The following LRRIQ3 variants were observed in gnomAD, a reference collection of about 807,000 sequenced individuals.
LRRIQ3 encodes the protein leucine rich repeats and IQ motif containing 3.
Under a neutral mutation model 59.3 loss-of-function variants are expected in LRRIQ3, and 75 were observed. That is an observed-to-expected ratio of 1.26 (90% confidence interval 1.05 to 1.53). The LOEUF (loss-of-function observed/expected upper bound fraction) is 1.53. Among genes scored for constraint, LRRIQ3 ranks in the 40% most tolerant of loss-of-function variants. The pLI, the probability that LRRIQ3 is intolerant of heterozygous loss-of-function variation, is 0.00. For missense variants in LRRIQ3, 831 were observed against 710.0 expected (o/e 1.17, Z -1.94); for synonymous variants, 250 against 231.3 (o/e 1.08, Z -0.73).
chr1:74,041,178 C>T (rs1557589008), intron 7 of LRRIQ3, 35 bp downstream of exon 7: 5 of 1,450,470 alleles, frequency 3.4e-6, no homozygotes, highest in Non-Finnish European at 3.7e-6. Flanking sequence ...ATGTAATTGA[C>T]TTTAATGCCT....
chr1:74,154,003 G>C (rs973616388), intron 4 of LRRIQ3, among the ~76,000 whole-genome samples: 20 of 151,636 alleles, frequency 1.3e-4, no homozygotes, highest in African/African-American at 4.8e-4. Flanking sequence ...GCACTTTGGG[G>C]GGCCGAGGTG....
chr1:74,129,499 A>G (rs1646981689), intron 4 of LRRIQ3, among the ~76,000 whole-genome samples: 1 of 151,968 alleles, frequency 6.6e-6, no homozygotes, highest in Non-Finnish European at 1.5e-5. Context: ...TCCCCTCTGG[A>G]CCAGAGAGGG....
At chr1:74,099,573 T>C (rs187981829) in intron 5 of LRRIQ3, among the ~76,000 whole-genome samples, 1 of 152,312 alleles carries the variant, frequency 6.6e-6, no homozygotes, top group African/African-American at 2.4e-5. Context: ...AGCATCATCC[T>C]GATACCAAAG....
At chr1:74,104,737 T>C (rs1338807022) in intron 5 of LRRIQ3, among the ~76,000 whole-genome samples, 1 of 152,024 alleles carries the variant, frequency 6.6e-6, no homozygotes, top group Non-Finnish European at 1.5e-5. Context: ...TATACTACAA[T>C]AGTTTATACA....
chr1:74,088,290 T>G (rs1403852048), intron 5 of LRRIQ3, among the ~76,000 whole-genome samples: 1 of 152,158 alleles, frequency 6.6e-6, no homozygotes, highest in South Asian at 2.1e-4. Flanking sequence ...ATTATTTGCA[T>G]GTTAATTTCT....
intron 1 of LRRIQ3, among the ~76,000 whole-genome samples, chr1:74,197,094 T>C (rs911982722): frequency 6.6e-5 from 10 of 152,218 alleles, no homozygotes; most frequent in Non-Finnish European, 1.3e-4. Flanking sequence ...GTTTTTTTAA[T>C]TAATGAAGTT....
chr1:74,066,721 T>C (rs986760169), intron 6 of LRRIQ3, among the ~76,000 whole-genome samples: 2 of 152,154 alleles, frequency 1.3e-5, no homozygotes, highest in Non-Finnish European at 2.9e-5. Flanking sequence ...TCACCATGGT[T>C]AGTATATTAC....
chr1:74,049,353 T>C (rs894216074), intron 6 of LRRIQ3, among the ~76,000 whole-genome samples: 3 of 152,150 alleles, frequency 2.0e-5, no homozygotes, highest in Non-Finnish European at 2.9e-5. Flanking sequence ...ATGAAGACAA[T>C]GGATTTGAAT....
intron 5 of LRRIQ3, among the ~76,000 whole-genome samples, chr1:74,107,572 T>C (rs1426382825): frequency 2.7e-5 from 4 of 149,538 alleles, no homozygotes; most frequent in African/African-American, 9.7e-5. Flanking sequence ...AAAAGAATAA[T>C]ATGTAATTAT....
At chr1:74,080,317 C>A (rs1312103464) in intron 5 of LRRIQ3, among the ~76,000 whole-genome samples, 2 of 151,550 alleles carry the variant, frequency 1.3e-5, no homozygotes, top group Admixed American at 1.3e-4. Flanking sequence ...TTTCTCAGAG[C>A]ATTATTGAAA....
At position 74,038,569 on chromosome 1, in the gene LRRIQ3, G is replaced by C. The variant is rs145715810; in HGVS notation, c.1718+2644C>G. On this transcript the variant is annotated intron_variant, in intron 7 of 7. Transcript: ENST00000354431. Reference sequence around the variant, plus strand: ...TACATGAGCATTCCTACTGAGATCAGGTAGGTGCCTCTCGAGGTCAGAGAT... The same window carrying C: ...TACATGAGCATTCCTACTGAGATCACGTAGGTGCCTCTCGAGGTCAGAGAT... Among the ~76,000 whole-genome samples the C allele has an allele frequency of 2.9e-3, 442 of 152,258 alleles. 1 individual carries two copies. Among genetic ancestry groups the C allele is most frequent in the African/African-American group, 0.01 (422 of 41,564 alleles).
chr1:74,042,125 C>A (rs560754830), intron 6 of LRRIQ3, among the ~76,000 whole-genome samples, 192 bp from the exon 7 acceptor site: 1 of 152,240 alleles, frequency 6.6e-6, no homozygotes, highest in East Asian at 1.9e-4. Flanking sequence ...AACATTTTCA[C>A]ATAGAAATGC....
intron 3 of LRRIQ3, chr1:74,180,891 T>A: frequency 9.0e-7 from 1 of 1,105,514 alleles, no homozygotes; most frequent in Non-Finnish European, 1.3e-6. Context: ...CCCCTTTCAG[T>A]CTGTGTTAAT....
intron 6 of LRRIQ3, among the ~76,000 whole-genome samples, chr1:74,070,425 C>A (rs1654993578): frequency 6.6e-6 from 1 of 151,824 alleles, no homozygotes; most frequent in African/African-American, 2.4e-5. Context: ...AGCTAAACAT[C>A]AAGTACATAT....
intron 5 of LRRIQ3, among the ~76,000 whole-genome samples, chr1:74,076,636 T>C (rs1281085577): frequency 6.6e-6 from 1 of 152,076 alleles, no homozygotes; most frequent in Non-Finnish European, 1.5e-5. Context: ...GAAAAGACAC[T>C]TGGATATGTG....
At chr1:74,060,153 G>T (rs6670220) in intron 6 of LRRIQ3, among the ~76,000 whole-genome samples, 24 of 151,266 alleles carry the variant, frequency 1.6e-4, no homozygotes, top group Non-Finnish European at 2.8e-4. Flanking sequence ...AACCTGAGTC[G>T]CCTTCTTCTT....
rs1647185286 is a variant in LRRIQ3 at position 74,139,132 on chromosome 1, AT to A, written c.707+16600del. On this transcript the variant is annotated intron_variant, in intron 4 of 7. Transcript: ENST00000354431. ...CATATATGTATGTGTGTGTGTATAT[AT>A]ATATATACATGTGTGTGTGTATATA... Among the ~76,000 whole-genome samples, 7 of 150,548 alleles carry A rather than the reference AT, an allele frequency of 4.6e-5. No individual in the cohort carries two copies. The South Asian group carries it at 1.5e-3, about 31-fold the overall frequency.
chr1:74,154,007 C>G lies in LRRIQ3; in HGVS notation c.707+1726G>C, dbSNP rs920800555. Reference sequence around the variant, plus strand: ...TTGTAATCCCAGCACTTTGGGGGGCCGAGGTGTGCGGATCACGAGGTCAGG... The same window carrying G: ...TTGTAATCCCAGCACTTTGGGGGGCGGAGGTGTGCGGATCACGAGGTCAGG... On this transcript the variant is annotated intron_variant, in intron 4 of 7. Coordinates refer to ENST00000354431, the MANE Select transcript of LRRIQ3 (RefSeq NM_001105659.2). 3.3e-5 allele frequency among the ~76,000 whole-genome samples: 5 copies of G among 151,854 alleles called. No individual in the cohort carries two copies. In the East Asian group the frequency reaches 9.7e-4, roughly 29 times the overall value.
At chr1:74,108,790 T>C in intron 5 of LRRIQ3, 1 of 243,422 alleles carries the variant, frequency 4.1e-6, no homozygotes. Context: ...AGACCTGGAG[T>C]CCGATCCTAC....
Sources: allele counts gnomAD v4.1 joint callset (sites outside exome capture counted in the v4.1 genomes callset), GRCh38; gene constraint gnomAD v4.1.1; transcripts MANE v1.5; gene names NCBI Gene and HGNC (gene_info 2026-07-23, HGNC 2026-07-21).